NHERF2: variants seen among roughly 807,000 people sequenced by gnomAD.
NHERF2 encodes Na(+)/H(+) exchange regulatory cofactor NHE-RF2.
At chr16:2,038,241 C>CACAGAGAGAG in the NHERF2 span, 6 of 572,570 alleles carry the variant, frequency 1.0e-5, no homozygotes, top group East Asian at 1.2e-4. Context: ...GAGAGAGAGA[C>CACAGAGAGAG]ACAGAGAGAG....
the NHERF2 span, among the ~76,000 whole-genome samples, chr16:2,033,973 G>A: frequency 6.6e-6 from 1 of 152,200 alleles, no homozygotes; most frequent in African/African-American, 2.4e-5. Flanking sequence ...GCCTTGTAGA[G>A]TGAAAGACGG....
the NHERF2 span, chr16:2,033,332 G>A: frequency 3.1e-5 from 47 of 1,533,006 alleles, no homozygotes; most frequent in African/African-American, 6.9e-5. Flanking sequence ...CCTGCCACTT[G>A]CTGTCACTGT....
At chr16:2,037,910 C>A in the NHERF2 span, 1 of 1,611,606 alleles carries the variant, frequency 6.2e-7, no homozygotes, top group Non-Finnish European at 8.5e-7. Flanking sequence ...GGAGAAGGCT[C>A]GAGCCATGCG....
the NHERF2 span, chr16:2,035,332 C>T: frequency 2.2e-6 from 2 of 913,858 alleles, no homozygotes; most frequent in Non-Finnish European, 2.6e-6. Flanking sequence ...TTGGGGGTGT[C>T]TGAGGCCTGG....
At chr16:2,027,857 G>A in the NHERF2 span, among the ~76,000 whole-genome samples, 2 of 152,214 alleles carry the variant, frequency 1.3e-5, no homozygotes, top group African/African-American at 4.8e-5. Context: ...CTGTACTCTA[G>A]TGTGTCCCAG....
chr16:2,035,009 G>A, the NHERF2 span, among the ~76,000 whole-genome samples: 3 of 152,168 alleles, frequency 2.0e-5, no homozygotes, highest in Non-Finnish European at 4.4e-5. Flanking sequence ...TTCAGCCCAT[G>A]TGGCCCAGCT....
the NHERF2 span, chr16:2,035,463 GC>G: frequency 1.0e-6 from 1 of 985,894 alleles, no homozygotes; most frequent in Non-Finnish European, 1.2e-6. Context: ...GGCCCTGGCA[GC>G]CCCCAGCCCG....
chr16:2,033,027 G>C, the NHERF2 span: 31 of 1,235,868 alleles, frequency 2.5e-5, no homozygotes, highest in Non-Finnish European at 3.1e-5. Flanking sequence ...CAACAGGACC[G>C]TCCTGTGTTC....
chr16:2,036,209 G>C, the NHERF2 span: 1 of 1,093,004 alleles, frequency 9.1e-7, no homozygotes, highest in Non-Finnish European at 1.3e-6. Flanking sequence ...CTGAGACCTG[G>C]GCCTGCCCGT....
chr16:2,031,065 G>A, the NHERF2 span, among the ~76,000 whole-genome samples: 1 of 152,238 alleles, frequency 6.6e-6, no homozygotes, highest in African/African-American at 2.4e-5. Context: ...TGAGGGTGCA[G>A]GGGATATACA....
the NHERF2 span, chr16:2,033,297 G>C: frequency 2.0e-5 from 30 of 1,532,376 alleles, no homozygotes; most frequent in Admixed American, 3.9e-5. Context: ...GTCGGCCAGA[G>C]AGTTCAGGCC....
At chr16:2,038,402 C>G in the NHERF2 span, 4 of 295,482 alleles carry the variant, frequency 1.4e-5, no homozygotes, top group East Asian at 1.2e-4. Context: ...TACCAGAGAC[C>G]CCCCCCCTTC....
the NHERF2 span, chr16:2,038,712 G>T: frequency 4.8e-6 from 1 of 206,998 alleles, no homozygotes. Flanking sequence ...TGCCCTGCTG[G>T]GGGCCTGGGC....
chr16:2,036,224 G>T, the NHERF2 span: 2 of 1,247,888 alleles, frequency 1.6e-6, no homozygotes, highest in Non-Finnish European at 1.1e-6. Context: ...GCCCGTGGGG[G>T]GCACGGTACC....
chr16:2,035,455 C>A, the NHERF2 span: 2 of 985,778 alleles, frequency 2.0e-6, no homozygotes, highest in East Asian at 2.3e-4. Context: ...GAGGGAAGGG[C>A]CCTGGCAGCC....
At chr16:2,027,069 G>A in the NHERF2 span, 5 of 1,439,814 alleles carry the variant, frequency 3.5e-6, no homozygotes, top group South Asian at 2.7e-5. Context: ...GCAGGGCTAC[G>A]GCTTCCACCT....
the NHERF2 span, chr16:2,037,505 CTG>C: frequency 6.3e-7 from 1 of 1,584,584 alleles, no homozygotes; most frequent in Non-Finnish European, 8.6e-7. Context: ...TTGTGTGTGT[CTG>C]TGAAACCACA....
the NHERF2 span, chr16:2,036,398 C>T: frequency 6.2e-6 from 10 of 1,610,050 alleles, no homozygotes; most frequent in African/African-American, 1.3e-4. Flanking sequence ...GCTATGGGTT[C>T]AACCTGCATA....
At chr16:2,033,528 C>A in the NHERF2 span, 2 of 1,292,040 alleles carry the variant, frequency 1.5e-6, no homozygotes, top group Non-Finnish European at 1.0e-6. Flanking sequence ...TTGATGTAAG[C>A]AGGCTGGTCG....
Sources: allele counts gnomAD v4.1 joint callset (sites outside exome capture counted in the v4.1 genomes callset), GRCh38; gene constraint gnomAD v4.1.1; transcripts MANE v1.5; gene names NCBI Gene and HGNC (gene_info 2026-07-23, HGNC 2026-07-21).